PPP2R3A: variants seen among roughly 807,000 people sequenced by gnomAD.
The protein encoded by PPP2R3A is protein phosphatase 2 regulatory subunit B''alpha.
In PPP2R3A, 80 loss-of-function variants were observed where a neutral mutation model predicts 106.9. The ratio of observed to expected loss-of-function variants is 0.75; its 90% confidence interval spans 0.62 to 0.90. The LOEUF (loss-of-function observed/expected upper bound fraction) is 0.90. PPP2R3A is among the 40% of genes least tolerant of loss of function. The pLI is 0.00. For synonymous variants in PPP2R3A, 483 were observed against 468.3 expected (o/e 1.03, Z -0.41); for missense variants, 1,386 against 1,350.4 (o/e 1.03, Z -0.41).
chr3:136,039,834 T>C (rs1935204382), intron 3 of PPP2R3A, among the ~76,000 whole-genome samples: 3 of 151,838 alleles, frequency 2.0e-5, no homozygotes, highest in Admixed American at 6.5e-5. Context: ...TCATAGAGAA[T>C]TTTTTCTCCT....
At chr3:136,108,013 G>C (rs964864312) in intron 13 of PPP2R3A, among the ~76,000 whole-genome samples, 15 of 152,156 alleles carry the variant, frequency 9.9e-5, no homozygotes, top group Non-Finnish European at 2.2e-4. Context: ...AGGAGTTCGA[G>C]ACCAGCCTGG....
intron 10 of PPP2R3A, among the ~76,000 whole-genome samples, chr3:136,101,075 C>A (rs1437691150): frequency 6.6e-6 from 1 of 151,888 alleles, no homozygotes; most frequent in Non-Finnish European, 1.5e-5. Context: ...GAAAGGAATC[C>A]CTGGATGAAA....
intron 13 of PPP2R3A, among the ~76,000 whole-genome samples, chr3:136,132,064 AATG>A (rs1273809402): frequency 6.6e-6 from 1 of 152,074 alleles, no homozygotes; most frequent in African/African-American, 2.4e-5. Context: ...ACCTAATGTA[AATG>A]ATGAGTTGAT....
intron 13 of PPP2R3A, among the ~76,000 whole-genome samples, chr3:136,144,684 C>CT (rs1406975513): frequency 6.6e-6 from 1 of 152,012 alleles, no homozygotes. Context: ...GTTTGCCACT[C>CT]TGAGTGGAAA....
At chr3:136,126,757 T>C (rs986273470) in intron 13 of PPP2R3A, among the ~76,000 whole-genome samples, 1 of 152,084 alleles carries the variant, frequency 6.6e-6, no homozygotes, top group African/African-American at 2.4e-5. Context: ...AGATACCTCA[T>C]ATAAGCGGCT....
intron 5 of PPP2R3A, among the ~76,000 whole-genome samples, chr3:136,060,578 A>G (rs554004957): frequency 1.1e-4 from 17 of 152,156 alleles, no homozygotes; most frequent in Admixed American, 6.6e-4. Flanking sequence ...TTGCTATGTG[A>G]AGATATGCTT....
chr3:136,003,489 T>A lies in PPP2R3A; in HGVS notation c.1991T>A (p.Ile664Asn). ...AVLIQQTPEVIKIQNKPEKKP... is the reference protein window; with the variant it reads ...AVLIQQTPEVNKIQNKPEKKP... The stretch of plus-strand genomic sequence containing the variant: ...TTGATTCAGCAGACTCCAGAGGTGA[T>A]CAAGGTAAGACCCAACAATTTTGAG... The change falls in exon 2 of 14, where the codon ATC becomes AAC. Residue 664 changes from isoleucine (I) to asparagine (N), a missense_variant. Coordinates refer to ENST00000264977, the MANE Select transcript of PPP2R3A (RefSeq NM_002718.5). 6.2e-7 allele frequency: 1 copy of A among 1,600,878 alleles called. No individual in the cohort carries two copies. Among genetic ancestry groups the A allele is most frequent in the Non-Finnish European group, 8.5e-7 (1 of 1,174,646 alleles).
intron 1 of PPP2R3A, among the ~76,000 whole-genome samples, chr3:135,967,338 A>G (rs756282175): frequency 2.2e-4 from 33 of 152,218 alleles, no homozygotes; most frequent in Non-Finnish European, 4.6e-4. Context: ...AGCTTTATGC[A>G]CTGACAACCT....
chr3:136,046,076 C>G (rs1454943033), intron 4 of PPP2R3A, among the ~76,000 whole-genome samples: 1 of 152,082 alleles, frequency 6.6e-6, no homozygotes, highest in Non-Finnish European at 1.5e-5. Context: ...GCTTGGGAGG[C>G]TGAGGCAGGA....
At chr3:136,090,475 A>T (rs989091137) in intron 9 of PPP2R3A, 103 bp from the exon 10 acceptor site, 66 of 897,388 alleles carry the variant, frequency 7.4e-5, no homozygotes, top group Non-Finnish European at 9.4e-5. Flanking sequence ...ATTATAATTT[A>T]AAAAATTTTA....
At position 136,001,126 on chromosome 3, in the gene PPP2R3A, C is replaced by A. The variant is rs1933607616; in HGVS notation, c.-373C>A. 2.5e-6 allele frequency: 1 copy of A among 402,912 alleles called. No individual in the cohort carries two copies. Among genetic ancestry groups the A allele is most frequent in the African/African-American group, 2.1e-5 (1 of 48,570 alleles). 25.0% of individuals were successfully genotyped at this position (402,912 alleles called of 1,614,324 possible). On this transcript the variant is annotated 5_prime_UTR_variant, in exon 2 of 14. Coordinates refer to ENST00000264977, the MANE Select transcript of PPP2R3A (RefSeq NM_002718.5). ...GGAGGACTCAGTTATCACAATACTT[C>A]TCTACTACCAACTAAGATTTATGAT...
chr3:136,019,367 C>G (rs973910825), intron 2 of PPP2R3A, among the ~76,000 whole-genome samples: 6 of 152,282 alleles, frequency 3.9e-5, no homozygotes, highest in South Asian at 2.1e-4. Flanking sequence ...TTATGATTCT[C>G]TATTTTTCCT....
At chr3:136,098,310 T>C (rs1048661147) in intron 10 of PPP2R3A, among the ~76,000 whole-genome samples, 1 of 152,204 alleles carries the variant, frequency 6.6e-6, no homozygotes, top group East Asian at 1.9e-4. Context: ...AATGAGAGCC[T>C]ATCTCAAAAA....
chr3:135,972,044 A>G (rs749007445), intron 1 of PPP2R3A, among the ~76,000 whole-genome samples: 3 of 152,252 alleles, frequency 2.0e-5, no homozygotes, highest in East Asian at 1.9e-4. Flanking sequence ...TACATTCACA[A>G]TGTTGTGCAG....
rs1933710068 is a variant in PPP2R3A at position 136,003,191 on chromosome 3, G to A, written c.1693G>A (p.Glu565Lys). ...TAAATCTAAAGTCTCTTCACCCATA[G>A]AAAAAGTCTCACCTTCCTGTCTAAC... ...EPKSKVSSPI[E>K]KVSPSCLTRI... Residue 565 changes from glutamate to lysine, a missense_variant, in exon 2 of 14, where the codon GAA (glutamate) becomes AAA (lysine). Coordinates refer to ENST00000264977, the MANE Select transcript of PPP2R3A (RefSeq NM_002718.5). 6.2e-7 allele frequency: 1 copy of A among 1,613,834 alleles called. No homozygotes were observed.
At chr3:135,987,129 C>T (rs960891083) in intron 1 of PPP2R3A, among the ~76,000 whole-genome samples, 1 of 152,122 alleles carries the variant, frequency 6.6e-6, no homozygotes, top group African/African-American at 2.4e-5. Context: ...CTTCACTGGG[C>T]TTCTGAGATA....
At chr3:136,112,529 C>T (rs1323870875) in intron 13 of PPP2R3A, among the ~76,000 whole-genome samples, 1 of 152,008 alleles carries the variant, frequency 6.6e-6, no homozygotes, top group Non-Finnish European at 1.5e-5. Context: ...GAGCACAATC[C>T]CATTTGCAAT....
chr3:136,138,641 A>G (rs1369106397), intron 13 of PPP2R3A, among the ~76,000 whole-genome samples: 1 of 151,210 alleles, frequency 6.6e-6, no homozygotes, highest in African/African-American at 2.4e-5. Context: ...ATAAAGATAA[A>G]TCACACACTT....
intron 11 of PPP2R3A, among the ~76,000 whole-genome samples, chr3:136,102,580 C>T (rs1432376933): frequency 6.6e-6 from 1 of 152,016 alleles, no homozygotes. Context: ...CTCCTGACCT[C>T]AGGTGATCCA....
Sources: gnomAD v4.1 joint callset for allele counts (sites outside exome capture counted in the v4.1 genomes callset) on GRCh38, gnomAD v4.1.1 for gene constraint, MANE v1.5 for transcripts, NCBI Gene and HGNC (gene_info 2026-07-23, HGNC 2026-07-21) for gene names.